Variants in HHAT observed in about 807,000 individuals in gnomAD.
The protein encoded by HHAT is hedgehog acyltransferase.
A neutral mutation model predicts 70.8 loss-of-function variants in HHAT; 47 were observed. That is an observed-to-expected ratio of 0.66 (90% CI 0.53 to 0.85). HHAT has a LOEUF of 0.85. Among genes scored for constraint, HHAT ranks in the 40% least tolerant of loss-of-function variants. HHAT has a pLI of 0.00. For missense variants in HHAT, 609 were observed against 604.8 expected (o/e 1.01, Z -0.07); for synonymous variants, 228 against 247.6 (o/e 0.92, Z 0.74).
chr1:210,561,344 G>A (rs990082064), intron 9 of HHAT, among the ~76,000 whole-genome samples: 1 of 152,220 alleles, frequency 6.6e-6, no homozygotes, highest in Non-Finnish European at 1.5e-5. Flanking sequence ...CATAAATGTT[G>A]TATAAATAAG....
intron 8 of HHAT, among the ~76,000 whole-genome samples, chr1:210,490,136 A>G (rs887491403): frequency 5.9e-5 from 9 of 152,232 alleles, no homozygotes; most frequent in Admixed American, 1.3e-4. Context: ...CAAGTTTGGC[A>G]TCTGAGCTTT....
At chr1:210,669,587 C>T (rs1679675162) in intron 11 of HHAT, among the ~76,000 whole-genome samples, 1 of 152,230 alleles carries the variant, frequency 6.6e-6, no homozygotes, top group South Asian at 2.1e-4. Flanking sequence ...TCTCTTGCAA[C>T]TGTTGTCTGA....
intron 9 of HHAT, among the ~76,000 whole-genome samples, chr1:210,581,499 G>A (rs965817537): frequency 3.9e-5 from 6 of 152,218 alleles, no homozygotes; most frequent in Non-Finnish European, 8.8e-5. Flanking sequence ...GAGCCAAGGT[G>A]AGGTCACCTC....
In HHAT at chr1:210,367,039, A is replaced by G. The variant is rs1283240455; in HGVS notation, c.159+4120A>G. On this transcript the variant is annotated intron_variant, in intron 3 of 11. Coordinates refer to ENST00000261458, the MANE Select transcript of HHAT (RefSeq NM_018194.6). ...GGGACAGTGGTGAGCCAGACAGACA[A>G]CATTCCTATGCTAGTTTCTCCTACT... Among the ~76,000 whole-genome samples the G allele has an allele frequency of 1.1e-4, 16 of 152,336 alleles. No individual in the cohort carries two copies. In the South Asian group the frequency reaches 3.1e-3, roughly 30 times the overall value.
intron 7 of HHAT, among the ~76,000 whole-genome samples, chr1:210,427,643 T>C (rs1352328140): frequency 6.6e-6 from 1 of 152,198 alleles, no homozygotes; most frequent in African/African-American, 2.4e-5. Flanking sequence ...TGATTAGTAA[T>C]TTGATAGTGC....
At chr1:210,565,199 C>T (rs912114575) in intron 9 of HHAT, among the ~76,000 whole-genome samples, 2 of 152,038 alleles carry the variant, frequency 1.3e-5, no homozygotes, top group East Asian at 3.9e-4. Flanking sequence ...GGACATGTGC[C>T]GATGGTGATA....
rs148688750 is a variant in HHAT at position 210,488,269 on chromosome 1, A to G, written c.1007+23614A>G. Among the ~76,000 whole-genome samples the G allele has an allele frequency of 4.7e-3, 712 of 152,288 alleles. 4 individuals are homozygous for G. Among genetic ancestry groups the G allele is most frequent in the Middle Eastern group, 0.014 (4 of 294 alleles). ...TCATCTCCTTCAAGTCTTGACTCAC[A>G]TATCACCTTCAAAGTGAGGCTTACC... On this transcript the variant is annotated intron_variant, in intron 8 of 11. Coordinates refer to ENST00000261458, the MANE Select transcript of HHAT (RefSeq NM_018194.6).
chr1:210,660,576 T>C (rs557021471), intron 11 of HHAT, among the ~76,000 whole-genome samples: 2 of 152,252 alleles, frequency 1.3e-5, no homozygotes, highest in African/African-American at 4.8e-5. Context: ...TTAAAGTTCA[T>C]ATGGAACCAA....
intron 6 of HHAT, among the ~76,000 whole-genome samples, chr1:210,410,172 C>A (rs370656856): frequency 1.3e-5 from 2 of 151,960 alleles, no homozygotes; most frequent in East Asian, 1.9e-4. Flanking sequence ...CCTGCCTCAG[C>A]CTCCCGAGTA....
rs146791175 is a variant in HHAT, at chr1:210,430,813, TTTTGA to T, written c.856+12492_856+12496del. ...CTAATTTTGAATTTGCTTTTTGTCT[TTTTGA>T]TTTATCAGTCCTATTTTTTATATTT... On this transcript the variant is annotated intron_variant, in intron 7 of 11. Transcript: ENST00000261458. 5.6e-3 allele frequency among the ~76,000 whole-genome samples: 849 copies of T among 152,088 alleles called. 10 individuals carry two copies. Among genetic ancestry groups the T allele is most frequent in the Non-Finnish European group, 8.1e-3 (549 of 68,024 alleles).
intron 11 of HHAT, among the ~76,000 whole-genome samples, chr1:210,645,974 A>C (rs955810792): frequency 2.0e-5 from 3 of 152,032 alleles, no homozygotes; most frequent in Non-Finnish European, 4.4e-5. Context: ...TTGCTGCTTC[A>C]CCCTGCAGTT....
intron 4 of HHAT, among the ~76,000 whole-genome samples, chr1:210,395,756 C>T (rs553129692): frequency 1.3e-5 from 2 of 152,210 alleles, no homozygotes; most frequent in Admixed American, 6.5e-5. Context: ...TATTGGGTTC[C>T]AAAGTCCACA....
chr1:210,355,481 T>G lies in HHAT; in HGVS notation c.91+6415T>G, dbSNP rs555670994. Among the ~76,000 whole-genome samples, 3 of 152,372 alleles carry G rather than the reference T, an allele frequency of 2.0e-5. No individual in the cohort carries two copies. In the East Asian group the frequency reaches 5.8e-4, roughly 29 times the overall value. On this transcript the variant is annotated intron_variant, in intron 2 of 11. Coordinates refer to ENST00000261458, the MANE Select transcript of HHAT (RefSeq NM_018194.6). The stretch of plus-strand genomic sequence containing the variant: ...TTGTTTTTAAAGTACCTATTCCTTT[T>G]TTGACCTATTGATACTATATTTTAA...
intron 3 of HHAT, among the ~76,000 whole-genome samples, chr1:210,380,019 G>C (rs977150469): frequency 1.3e-5 from 2 of 152,090 alleles, no homozygotes; most frequent in African/African-American, 4.8e-5. Context: ...GGCAGATACC[G>C]GATGCTCCAC....
chr1:210,622,909 G>T (rs1367312004), intron 10 of HHAT, among the ~76,000 whole-genome samples: 1 of 152,206 alleles, frequency 6.6e-6, no homozygotes, highest in Non-Finnish European at 1.5e-5. Context: ...AGGTTTACAT[G>T]CAGAAAGCAA....
At chr1:210,534,677 G>T (rs926282492) in intron 9 of HHAT, among the ~76,000 whole-genome samples, 1 of 152,108 alleles carries the variant, frequency 6.6e-6, no homozygotes, top group Non-Finnish European at 1.5e-5. Flanking sequence ...AAATAATTTT[G>T]TGCACGAAAC....
At chr1:210,450,826 G>A (rs558694453) in intron 7 of HHAT, among the ~76,000 whole-genome samples, 162 of 152,148 alleles carry the variant, frequency 1.1e-3, no homozygotes, top group Non-Finnish European at 1.9e-3. Context: ...CTATGGGATA[G>A]GGTGGTGTTA....
chr1:210,570,126 C>T (rs1655883488), intron 9 of HHAT, among the ~76,000 whole-genome samples: 1 of 152,188 alleles, frequency 6.6e-6, no homozygotes, highest in African/African-American at 2.4e-5. Flanking sequence ...AGTTTATGTG[C>T]TTTGTTCCTA....
At chr1:210,481,062 A>C (rs1553392430) in intron 8 of HHAT, among the ~76,000 whole-genome samples, 1 of 152,016 alleles carries the variant, frequency 6.6e-6, no homozygotes, top group Non-Finnish European at 1.5e-5. Context: ...AAACCTAATA[A>C]ATAAGCGAAT....
Sources: allele counts gnomAD v4.1 joint callset (sites outside exome capture counted in the v4.1 genomes callset), GRCh38; gene constraint gnomAD v4.1.1; transcripts MANE v1.5; gene names NCBI Gene and HGNC (gene_info 2026-07-23, HGNC 2026-07-21).